XRCC5: variants seen among roughly 807,000 people sequenced by gnomAD.
XRCC5 encodes the protein DNA repair protein Ku80.
Under a neutral mutation model 95.7 loss-of-function variants are expected in XRCC5, and 12 were observed. The observed-to-expected ratio is 0.13, with a 90% CI of 0.08 to 0.20. The LOEUF (loss-of-function observed/expected upper bound fraction) is 0.20. Ranked by LOEUF, XRCC5 falls within the 10% of genes least tolerant of loss-of-function variation. The pLI is 1.00. For synonymous variants in XRCC5, 281 were observed against 290.3 expected (o/e 0.97, Z 0.33); for missense variants, 595 against 873.9 (o/e 0.68, Z 4.02).
At chr2:216,190,364 C>G in intron 17 of XRCC5, 30 bp downstream of exon 17, 1 of 1,592,338 alleles carries the variant, frequency 6.3e-7, no homozygotes, top group Non-Finnish European at 8.6e-7. Context: ...TCTTTTCTTC[C>G]TAAACAGTTG....
chr2:216,125,902 T>A lies in XRCC5; in HGVS notation c.684-15T>A. The A allele has an allele frequency of 6.2e-7, 1 of 1,602,132 alleles. No homozygotes were observed. Among genetic ancestry groups the A allele is most frequent in the Non-Finnish European group, 8.5e-7 (1 of 1,169,876 alleles). On this transcript the variant is annotated splice_polypyrimidine_tract_variant and intron_variant, in intron 6 of 20. Coordinates refer to ENST00000392132, the MANE Select transcript of XRCC5 (RefSeq NM_021141.4). ...TAAAAATTGTTGCTTTCATTTTATATTTTTCTTTATTAAGTGAGAGTCTGA... is the reference window on the plus strand; with the variant it reads ...TAAAAATTGTTGCTTTCATTTTATAATTTTCTTTATTAAGTGAGAGTCTGA...
At chr2:216,189,800 C>T (rs184695970) in intron 16 of XRCC5, among the ~76,000 whole-genome samples, 1 of 152,254 alleles carries the variant, frequency 6.6e-6, no homozygotes, top group Non-Finnish European at 1.5e-5. Context: ...CGACAATTAT[C>T]CTGAGTAGAA....
chr2:216,123,464 AATTTTGGAATAAATGC>A (rs1261652420), intron 6 of XRCC5, among the ~76,000 whole-genome samples: 1 of 152,184 alleles, frequency 6.6e-6, no homozygotes, highest in African/African-American at 2.4e-5. Context: ...TTCTCTTTCA[AATTTTGGAATAAATGC>A]CTTAAGCTAA....
At chr2:216,190,450 G>C (rs1559262325) in intron 17 of XRCC5, 116 bp downstream of exon 17, 1 of 784,202 alleles carries the variant, frequency 1.3e-6, no homozygotes, top group Admixed American at 2.7e-5. Flanking sequence ...TTCTCAATAT[G>C]AATAGCAGTG....
chr2:216,122,388 T>A, intron 6 of XRCC5, 135 bp downstream of exon 6: 1 of 821,640 alleles, frequency 1.2e-6, no homozygotes, highest in Non-Finnish European at 1.8e-6. Context: ...TGAGTTTTAT[T>A]AAAGAAATAG....
intron 18 of XRCC5, among the ~76,000 whole-genome samples, chr2:216,193,338 G>A (rs1689654145): frequency 6.6e-6 from 1 of 151,928 alleles, no homozygotes; most frequent in East Asian, 1.9e-4. Flanking sequence ...AACATGACCT[G>A]ATTTTCTTTT....
In XRCC5 at chr2:216,123,703, G is replaced by A. The variant is rs1439682167; in HGVS notation, c.683+1450G>A. Among the ~76,000 whole-genome samples, 19 of 152,172 alleles carry A rather than the reference G, an allele frequency of 1.2e-4. 1 individual carries two copies. Among genetic ancestry groups the A allele is most frequent in the Admixed American group, 1.2e-3 (19 of 15,278 alleles). ...TGCCTGTAGTCCTAGCTACTTGAGA[G>A]GCTGAGGCAAGTGAATCACTTGAAC... On this transcript the variant is annotated intron_variant, in intron 6 of 20. Transcript: ENST00000392132.
chr2:216,120,427 A>G (rs1162279412), intron 5 of XRCC5, among the ~76,000 whole-genome samples: 2 of 152,226 alleles, frequency 1.3e-5, no homozygotes, highest in African/African-American at 4.8e-5. Context: ...TTTCTTGGTA[A>G]TATGCTTTCT....
At chr2:216,116,096 C>T (rs201928620) in intron 2 of XRCC5, among the ~76,000 whole-genome samples, 1 of 152,072 alleles carries the variant, frequency 6.6e-6, no homozygotes, top group East Asian at 1.9e-4. Context: ...TATGATATTT[C>T]GTTGTATAAA....
chr2:216,203,140 A>C (rs1296602926), intron 19 of XRCC5, among the ~76,000 whole-genome samples: 1 of 152,056 alleles, frequency 6.6e-6, no homozygotes, highest in Non-Finnish European at 1.5e-5. Flanking sequence ...TCTTGGGTGG[A>C]AGCAACTACA....
At chr2:216,184,290 A>G (rs886582902) in intron 16 of XRCC5, among the ~76,000 whole-genome samples, 2 of 151,562 alleles carry the variant, frequency 1.3e-5, no homozygotes, top group Admixed American at 6.6e-5. Flanking sequence ...AGTAGAAGTG[A>G]AAACAATATT....
chr2:216,154,599 C>T (rs1458634803), intron 14 of XRCC5, among the ~76,000 whole-genome samples: 1 of 152,180 alleles, frequency 6.6e-6, no homozygotes, highest in Non-Finnish European at 1.5e-5. Context: ...AACCTGATCC[C>T]ATCACTGTCT....
chr2:216,150,459 G>A (rs957288499), intron 14 of XRCC5, among the ~76,000 whole-genome samples: 32 of 152,286 alleles, frequency 2.1e-4, no homozygotes, highest in East Asian at 3.9e-4. Context: ...TTCGTTGTGC[G>A]AATGTCACAG....
chr2:216,190,225 C>T lies in XRCC5; in HGVS notation c.1835C>T (p.Ala612Val), dbSNP rs1369256673. 12 of 1,612,686 alleles carry T rather than the reference C, an allele frequency of 7.4e-6. No homozygotes were observed. The African/African-American group carries it at 1.1e-4, about 14-fold the overall frequency. ...GAAAATTTGTTGTCTTATGTTTTAGCGAGTAACCAGCTCATAAATCACATC... is the reference window on the plus strand; with the variant it reads ...GAAAATTTGTTGTCTTATGTTTTAGTGAGTAACCAGCTCATAAATCACATC... Reference protein sequence around the residue: ...VKQKKASFEEASNQLINHIEQ... With the variant: ...VKQKKASFEEVSNQLINHIEQ... Residue 612 changes from alanine to valine, a missense_variant and splice_region_variant, in exon 17 of 21, where the codon GCG (alanine) becomes GTG (valine). Around this residue, in one of 2 missense-constraint regions of XRCC5, gnomAD observed 309 missense variants for 382.9 expected, o/e 0.81. Transcript: ENST00000392132.
chr2:216,146,947 T>G (rs557591004), intron 13 of XRCC5, among the ~76,000 whole-genome samples: 2 of 152,072 alleles, frequency 1.3e-5, no homozygotes, highest in Non-Finnish European at 2.9e-5. Context: ...CATTCAGCAG[T>G]AAAGAAGAGA....
intron 1 of XRCC5, among the ~76,000 whole-genome samples, chr2:216,109,833 T>C (rs545916993): frequency 3.9e-5 from 6 of 152,194 alleles, no homozygotes; most frequent in African/African-American, 1.4e-4. Flanking sequence ...TCTTAAGATC[T>C]CTATGAGAAT....
At chr2:216,204,659 T>G (rs1689908538) in intron 20 of XRCC5, among the ~76,000 whole-genome samples, 1 of 152,202 alleles carries the variant, frequency 6.6e-6, no homozygotes, top group Admixed American at 6.5e-5. Context: ...GAAAAAGAGC[T>G]AGGGAGGCTA....
chr2:216,114,877 C>T (rs575389624), intron 2 of XRCC5, among the ~76,000 whole-genome samples: 2 of 152,162 alleles, frequency 1.3e-5, no homozygotes, highest in African/African-American at 4.8e-5. Context: ...TGACTAGTAA[C>T]CACACTACGC....
chr2:216,127,632 G>A lies in XRCC5; in HGVS notation c.895G>A (p.Asp299Asn). 1 of 1,609,934 alleles carries A rather than the reference G, an allele frequency of 6.2e-7. No homozygotes were observed. Among genetic ancestry groups the A allele is most frequent in the Non-Finnish European group, 8.5e-7 (1 of 1,178,454 alleles). ...IQKETVYCLN[D>N]DDETEVLKED... ...AAAAGAAACAGTTTATTGCTTAAAT[G>A]ATGATGATGAAACTGAAGTTTTAAA... The change falls in exon 8 of 21, where the codon GAT (aspartate) becomes AAT (asparagine). Residue 299 changes from aspartate (D) to asparagine (N), a missense_variant. Asp to Asn is a conservative substitution (Grantham distance 23). This residue lies in a region of XRCC5 where 286 missense variants were observed against 491.1 expected (regional missense o/e 0.58). Coordinates refer to ENST00000392132, the MANE Select transcript of XRCC5 (RefSeq NM_021141.4).
Sources: gnomAD v4.1 joint callset for allele counts (sites outside exome capture counted in the v4.1 genomes callset) on GRCh38, gnomAD v4.1.1 for gene constraint, gnomAD v4.1.1 regional missense constraint, MANE v1.5 for transcripts, NCBI Gene and HGNC (gene_info 2026-07-23, HGNC 2026-07-21) for gene names.